The following SH3GL3 variants were observed in gnomAD, a reference collection of about 807,000 sequenced individuals.
SH3GL3 encodes SH3 domain containing GRB2 like 3, endophilin A3.
SH3GL3 carries 33 observed loss-of-function variants against 47.7 expected under a neutral mutation model. The observed-to-expected ratio is 0.69, with a 90% CI of 0.52 to 0.92. The LOEUF is 0.92. Among genes scored for constraint, SH3GL3 ranks in the 40% least tolerant of loss-of-function variants. The probability of loss-of-function intolerance (pLI) is 0.00; values close to 1 mark genes in which losing one functional copy is unlikely to be tolerated. For synonymous variants in SH3GL3, 155 were observed against 148.8 expected, an observed-to-expected ratio of 1.04 and a Z score of -0.30; for missense variants, 363 against 417.8, an observed-to-expected ratio of 0.87 and a Z score of 1.14.
At chr15:83,461,082 C>CA (rs544038100) in intron 1 of SH3GL3, among the ~76,000 whole-genome samples, 154 of 123,462 alleles carry the variant, frequency 1.2e-3, no homozygotes, top group South Asian at 7.6e-3. Flanking sequence ...GACTCCATCT[C>CA]AAAAAAAAAA....
chr15:83,553,469 G>T (rs893705742), intron 1 of SH3GL3, among the ~76,000 whole-genome samples: 4 of 152,010 alleles, frequency 2.6e-5, no homozygotes, highest in African/African-American at 9.7e-5. Flanking sequence ...TGATTTTGTG[G>T]TTTCTGTTTG....
chr15:83,501,569 C>T (rs771244146), intron 1 of SH3GL3, among the ~76,000 whole-genome samples: 1 of 152,198 alleles, frequency 6.6e-6, no homozygotes, highest in Non-Finnish European at 1.5e-5. Context: ...TCGTCCTACA[C>T]ATGAGAAAAC....
intron 1 of SH3GL3, among the ~76,000 whole-genome samples, chr15:83,474,234 A>T (rs902486603): frequency 1.3e-5 from 2 of 152,132 alleles, no homozygotes; most frequent in Non-Finnish European, 2.9e-5. Flanking sequence ...TGCCTGGCAC[A>T]TAGTAGTTGT....
intron 1 of SH3GL3, among the ~76,000 whole-genome samples, chr15:83,472,924 A>T (rs1180693851): frequency 6.6e-6 from 1 of 152,042 alleles, no homozygotes; most frequent in Non-Finnish European, 1.5e-5. Context: ...CTTCACTGAC[A>T]CTCAAGGTGG....
chr15:83,574,338 C>T (rs1275082360), intron 5 of SH3GL3, among the ~76,000 whole-genome samples: 2 of 152,236 alleles, frequency 1.3e-5, no homozygotes, highest in East Asian at 1.9e-4. Flanking sequence ...CCCTTGGCCC[C>T]GACACTCATA....
chr15:83,564,128 A>T (rs989575551), intron 2 of SH3GL3, among the ~76,000 whole-genome samples: 8 of 152,184 alleles, frequency 5.3e-5, no homozygotes, highest in Non-Finnish European at 8.8e-5. Flanking sequence ...GTATTTCAAA[A>T]TACTGTTGTC....
chr15:83,529,839 G>T (rs1010389646), intron 1 of SH3GL3, among the ~76,000 whole-genome samples: 1 of 152,144 alleles, frequency 6.6e-6, no homozygotes, highest in Non-Finnish European at 1.5e-5. Context: ...CAGTGGGCAG[G>T]GAGCCTGTCC....
At chr15:83,543,163 G>T (rs2044246152) in intron 1 of SH3GL3, among the ~76,000 whole-genome samples, 1 of 151,912 alleles carries the variant, frequency 6.6e-6, no homozygotes, top group South Asian at 2.1e-4. Flanking sequence ...TCAATATCCA[G>T]TTTTTTTAGG....
intron 1 of SH3GL3, among the ~76,000 whole-genome samples, chr15:83,557,189 C>T (rs928013193): frequency 3.3e-5 from 5 of 152,204 alleles, no homozygotes; most frequent in African/African-American, 4.8e-5. Context: ...CCACTCCCCA[C>T]CCCAGGAGAG....
chr15:83,482,174 A>G (rs2041387043), intron 1 of SH3GL3, among the ~76,000 whole-genome samples: 1 of 152,064 alleles, frequency 6.6e-6, no homozygotes, highest in Admixed American at 6.6e-5. Flanking sequence ...TTGCCTTTTG[A>G]TATTTTCCAT....
intron 1 of SH3GL3, among the ~76,000 whole-genome samples, chr15:83,487,165 A>G (rs2041636276): frequency 6.6e-6 from 1 of 151,708 alleles, no homozygotes; most frequent in Admixed American, 6.6e-5. Context: ...GTTATTCTTA[A>G]ATGTTTTAAT....
At chr15:83,466,908 CTG>C (rs1288506793) in intron 1 of SH3GL3, among the ~76,000 whole-genome samples, 1 of 152,144 alleles carries the variant, frequency 6.6e-6, no homozygotes, top group Non-Finnish European at 1.5e-5. Context: ...TTTTAAAAAA[CTG>C]TTGAGTTGTG....
chr15:83,559,326 G>C lies in SH3GL3; in HGVS notation c.114+5G>C, dbSNP rs2045131158. The C allele has an allele frequency of 6.6e-7, 1 of 1,520,428 alleles. No homozygotes were observed. Among genetic ancestry groups the C allele is most frequent in the Non-Finnish European group, 9.1e-7 (1 of 1,094,864 alleles). 94.2% of individuals were successfully genotyped at this position (1,520,428 alleles called of 1,614,324 possible). A position where few individuals can be genotyped will look rare whatever the true frequency, so the allele number is the denominator to read the frequency against. On this transcript the variant is annotated splice_donor_5th_base_variant and intron_variant, in intron 2 of 8. Transcript: ENST00000427482. ...GAATTTCTTGACATGGAAAGGGTAA[G>C]AGCATTTTAATATGTAAATTGATTA...
chr15:83,564,664 A>C (rs777909423), intron 2 of SH3GL3, among the ~76,000 whole-genome samples: 1 of 152,168 alleles, frequency 6.6e-6, no homozygotes, highest in Non-Finnish European at 1.5e-5. Flanking sequence ...TTATTGTATT[A>C]TAATATAATA....
chr15:83,474,150 C>A (rs1343639694), intron 1 of SH3GL3, among the ~76,000 whole-genome samples: 2 of 152,180 alleles, frequency 1.3e-5, no homozygotes, highest in African/African-American at 2.4e-5. Context: ...TTTTAAATCC[C>A]TTCTTAGCGG....
intron 1 of SH3GL3, among the ~76,000 whole-genome samples, chr15:83,472,366 C>T: frequency 6.6e-6 from 1 of 152,156 alleles, no homozygotes; most frequent in East Asian, 1.9e-4. Flanking sequence ...TATGGTCCCT[C>T]ATGTCCCTGC....
chr15:83,517,528 T>A (rs2043036133), intron 1 of SH3GL3, among the ~76,000 whole-genome samples: 2 of 152,118 alleles, frequency 1.3e-5, no homozygotes, highest in Admixed American at 1.3e-4. Context: ...TTAATTTGTG[T>A]TTCCCTCATT....
intron 8 of SH3GL3, among the ~76,000 whole-genome samples, chr15:83,617,181 T>C (rs2060845764): frequency 6.6e-6 from 1 of 152,234 alleles, no homozygotes; most frequent in Admixed American, 6.5e-5. Flanking sequence ...TTGATGTTAT[T>C]CTGGGACTAG....
chr15:83,627,076 G>A, the SH3GL3 span, among the ~76,000 whole-genome samples: 1 of 152,224 alleles, frequency 6.6e-6, no homozygotes, highest in Non-Finnish European at 1.5e-5. Context: ...TTTACCTATA[G>A]AAATGTGGTG....
Sources: gnomAD v4.1 joint callset for allele counts (sites outside exome capture counted in the v4.1 genomes callset) on GRCh38, gnomAD v4.1.1 for gene constraint, MANE v1.5 for transcripts, NCBI Gene and HGNC (gene_info 2026-07-23, HGNC 2026-07-21) for gene names.